Variants in PLCH1 observed in about 807,000 individuals in gnomAD.
The protein encoded by PLCH1 is 1-phosphatidylinositol 4,5-bisphosphate phosphodiesterase eta-1.
Under a neutral mutation model 126.7 loss-of-function variants are expected in PLCH1, and 60 were observed. The ratio of observed to expected loss-of-function variants is 0.47; its 90% CI spans 0.38 to 0.59. PLCH1 has a LOEUF of 0.59. PLCH1 is among the 20% of genes least tolerant of loss of function. The pLI is 0.00. For synonymous variants in PLCH1, 719 were observed against 734.9 expected (o/e 0.98, Z 0.35); for missense variants, 1,723 against 2,040.0 (o/e 0.84, Z 2.99).
At chr3:155,456,483 T>A (rs1274077769) in intron 21 of PLCH1, among the ~76,000 whole-genome samples, 2 of 152,222 alleles carry the variant, frequency 1.3e-5, no homozygotes. Context: ...AATCCTCTTT[T>A]CTGCTCTATT....
chr3:155,657,385 G>C (rs975391944), intron 2 of PLCH1, among the ~76,000 whole-genome samples: 3 of 152,152 alleles, frequency 2.0e-5, no homozygotes, highest in Non-Finnish European at 2.9e-5. Context: ...TGGGAGTCTA[G>C]GGAGGCCAAG....
chr3:155,465,684 T>C (rs1162501257), intron 21 of PLCH1, among the ~76,000 whole-genome samples: 2 of 151,866 alleles, frequency 1.3e-5, no homozygotes, highest in African/African-American at 4.8e-5. Flanking sequence ...TTCTTGGGGT[T>C]CCCAATTCTA....
intron 2 of PLCH1, among the ~76,000 whole-genome samples, chr3:155,600,868 GCAGAA>G (rs1733630691): frequency 6.6e-6 from 1 of 152,184 alleles, no homozygotes; most frequent in African/African-American, 2.4e-5. Context: ...TATTTAAAGA[GCAGAA>G]CAGATGAGTC....
chr3:155,638,900 T>C (rs1183815368), intron 2 of PLCH1, among the ~76,000 whole-genome samples: 1 of 152,148 alleles, frequency 6.6e-6, no homozygotes, highest in Non-Finnish European at 1.5e-5. Flanking sequence ...GAACAAGATC[T>C]GGGGGAAAAT....
At chr3:155,463,694 CA>C (rs1220897853) in intron 21 of PLCH1, among the ~76,000 whole-genome samples, 2 of 152,134 alleles carry the variant, frequency 1.3e-5, no homozygotes, top group Non-Finnish European at 2.9e-5. Flanking sequence ...ATACAAATAT[CA>C]GTTACTCTTA....
At chr3:155,685,673 T>A (rs1161554169) in intron 2 of PLCH1, among the ~76,000 whole-genome samples, 1 of 152,168 alleles carries the variant, frequency 6.6e-6, no homozygotes, top group Non-Finnish European at 1.5e-5. Flanking sequence ...AGTTTCCCCA[T>A]CCTCAGCAAT....
intron 2 of PLCH1, among the ~76,000 whole-genome samples, chr3:155,659,938 A>G (rs888253261): frequency 6.6e-6 from 1 of 152,206 alleles, no homozygotes; most frequent in African/African-American, 2.4e-5. Flanking sequence ...CCAGCTGTCT[A>G]TTCACTTCTA....
intron 21 of PLCH1, among the ~76,000 whole-genome samples, chr3:155,465,191 T>C (rs570673208): frequency 5.9e-5 from 9 of 151,672 alleles, no homozygotes; most frequent in South Asian, 4.2e-4. Context: ...GTCCCAGTCA[T>C]TTATCTTATG....
intron 8 of PLCH1, among the ~76,000 whole-genome samples, chr3:155,556,048 CAATT>C (rs766511310): frequency 2.6e-5 from 4 of 152,148 alleles, no homozygotes; most frequent in South Asian, 4.1e-4. Context: ...TAAATACTGG[CAATT>C]AATCCATTTT....
At chr3:155,564,572 T>A (rs1728064468) in intron 8 of PLCH1, among the ~76,000 whole-genome samples, 4 of 151,528 alleles carry the variant, frequency 2.6e-5, no homozygotes, top group Admixed American at 2.6e-4. Context: ...TCAAAAAAAA[T>A]AAAAAATTAA....
rs1409875246 is a variant in PLCH1, at chr3:155,630,871, A to G, written c.80-34493T>C. On this transcript the variant is annotated intron_variant, in intron 2 of 22. Transcript: ENST00000460012. ...TTCTTAAACTAGTACCTAATATCCT[A>G]TGTACCCAAAAGGAATAAGAACTAA... Among the ~76,000 whole-genome samples the G allele has an allele frequency of 2.6e-5, 4 of 152,218 alleles. No individual in the cohort carries two copies. In the East Asian group the frequency reaches 7.7e-4, roughly 29 times the overall value.
At chr3:155,529,622 A>C (rs1037766296) in intron 10 of PLCH1, among the ~76,000 whole-genome samples, 1 of 152,246 alleles carries the variant, frequency 6.6e-6, no homozygotes, top group African/African-American at 2.4e-5. Context: ...TTAATGCTAT[A>C]AAAAGCTAAT....
At chr3:155,479,326 GA>G (rs1265165803), downstream of PLCH1, among the ~76,000 whole-genome samples, 2 of 152,236 alleles carry the variant, frequency 1.3e-5, no homozygotes, top group East Asian at 3.9e-4. Context: ...TAAGGGCATA[GA>G]AATGGTCACT....
chr3:155,514,348 C>G (rs1478258905), intron 12 of PLCH1, among the ~76,000 whole-genome samples: 1 of 152,074 alleles, frequency 6.6e-6, no homozygotes, highest in African/African-American at 2.4e-5. Flanking sequence ...GCCTGAAGAG[C>G]CCTCAGCCCT....
At chr3:155,562,046 G>T (rs140504618) in intron 8 of PLCH1, among the ~76,000 whole-genome samples, 5 of 152,160 alleles carry the variant, frequency 3.3e-5, no homozygotes, top group Non-Finnish European at 5.9e-5. Flanking sequence ...CTCCTAAAGT[G>T]CTGGGATTAC....
chr3:155,622,332 A>G (rs1314326548), intron 2 of PLCH1, among the ~76,000 whole-genome samples: 7 of 152,186 alleles, frequency 4.6e-5, no homozygotes, highest in African/African-American at 7.2e-5. Context: ...CACCATCAAC[A>G]CTATTAAGAA....
At chr3:155,499,119 AGAG>A (rs1318460409) in intron 14 of PLCH1, among the ~76,000 whole-genome samples, 7 of 152,334 alleles carry the variant, frequency 4.6e-5, no homozygotes, top group African/African-American at 1.7e-4. Flanking sequence ...GTGGGTGTGA[AGAG>A]GTATTCCATT....
At chr3:155,743,178 C>T (rs1288084865) in intron 1 of PLCH1, 1 of 429,220 alleles carries the variant, frequency 2.3e-6, no homozygotes, top group Non-Finnish European at 4.6e-6. Flanking sequence ...TGTATGTAAA[C>T]AAACGGATTT....
chr3:155,500,654 T>C (rs562975512), intron 14 of PLCH1, 49 bp downstream of exon 14: 17 of 1,089,508 alleles, frequency 1.6e-5, no homozygotes, highest in Non-Finnish European at 2.4e-5. Flanking sequence ...CTGACAAGGA[T>C]GGAGGGGCCT....
Sources: allele counts gnomAD v4.1 joint callset (sites outside exome capture counted in the v4.1 genomes callset), GRCh38; gene constraint gnomAD v4.1.1; transcripts MANE v1.5; gene names NCBI Gene and HGNC (gene_info 2026-07-23, HGNC 2026-07-21).